SYPL1: variants seen among roughly 807,000 people sequenced by gnomAD.
SYPL1 encodes synaptophysin-like protein 1.
SYPL1 carries 6 observed loss-of-function variants against 23.7 expected under a neutral mutation model. That is an observed-to-expected ratio of 0.25 (90% CI 0.14 to 0.50). The LOEUF (loss-of-function observed/expected upper bound fraction) is 0.50. SYPL1 is among the 20% of genes least tolerant of loss of function. The probability of loss-of-function intolerance (pLI) is 0.98; values close to 1 mark genes in which losing one functional copy is unlikely to be tolerated. For missense variants in SYPL1, 253 were observed against 288.9 expected, an observed-to-expected ratio of 0.88 and a Z score of 0.90; for synonymous variants, 102 against 104.5, an observed-to-expected ratio of 0.98 and a Z score of 0.15.
Position 106,109,405 on chromosome 7 carries a change from C to T in SYPL1, c.69+2735G>A, listed in dbSNP as rs1365308373. 6.6e-6 allele frequency among the ~76,000 whole-genome samples: 1 copy of T among 152,190 alleles called. No individual in the cohort carries two copies. Among genetic ancestry groups the T allele is most frequent in the African/African-American group, 2.4e-5 (1 of 41,446 alleles). On this transcript the variant is annotated intron_variant, in intron 1 of 4. Coordinates refer to ENST00000455385, the MANE Select transcript of SYPL1 (RefSeq NM_182715.4). The surrounding 1 kb of genome is among the most constrained non-coding windows in gnomAD (Gnocchi z 4.3). ...ACTAGTCCTTATTTTATCAACTAGT[C>T]CTTATTTTACTTTACCATTCTATTG...
chr7:106,100,256 A>G lies in SYPL1; in HGVS notation c.70-974T>C, dbSNP rs1840245045. 6.6e-6 allele frequency among the ~76,000 whole-genome samples: 1 copy of G among 152,226 alleles called. No individual in the cohort carries two copies. Among genetic ancestry groups the G allele is most frequent in the Non-Finnish European group, 1.5e-5 (1 of 68,038 alleles). ...AAAAATGAATGGTGTTCTCTCAAAT[A>G]CCATCTAAAACACAAAAAACCTAGA... is the stretch of plus-strand genomic sequence containing the variant. On this transcript the variant is annotated intron_variant, in intron 1 of 4. Coordinates refer to ENST00000455385, the MANE Select transcript of SYPL1 (RefSeq NM_182715.4). This position sits in a 1 kb window ranked among gnomAD's most constrained non-coding sequence, Gnocchi z 5.1.
intron 2 of SYPL1, among the ~76,000 whole-genome samples, chr7:106,098,655 T>A (rs934759407): frequency 1.3e-5 from 2 of 152,216 alleles, no homozygotes; most frequent in Non-Finnish European, 2.9e-5. Context: ...ACTTCACAGA[T>A]GAAATACTCA....
intron 4 of SYPL1, chr7:106,092,448 A>G (rs553526321): frequency 9.0e-6 from 2 of 222,630 alleles, no homozygotes; most frequent in African/African-American, 2.4e-5. Context: ...TGAAGCAGGC[A>G]GATCACTTGA....
In SYPL1 at chr7:106,100,300, A is replaced by C. The variant is rs73197517; in HGVS notation, c.70-1018T>G. Among the ~76,000 whole-genome samples the C allele has an allele frequency of 1.9e-3, 297 of 152,388 alleles. 2 individuals carry two copies. The highest frequency in any genetic ancestry group is 3.3e-3 in the Non-Finnish European group (225 of 68,038). On this transcript the variant is annotated intron_variant, in intron 1 of 4. Coordinates refer to ENST00000455385, the MANE Select transcript of SYPL1 (RefSeq NM_182715.4). This position sits in a 1 kb window ranked among gnomAD's most constrained non-coding sequence, Gnocchi z 5.1. Reference sequence around the variant, plus strand: ...ACCTAGAAGCAACCTAAATGTTGACAGGGAATCAAACTATAATTCATCCAT... The same window carrying C: ...ACCTAGAAGCAACCTAAATGTTGACCGGGAATCAAACTATAATTCATCCAT...
In SYPL1 at chr7:106,091,949, A is replaced by G. The variant is rs1348848063; in HGVS notation, c.592-10T>C. 2 of 1,590,436 alleles carry G rather than the reference A, an allele frequency of 1.3e-6. No individual in the cohort carries two copies. The highest frequency in any genetic ancestry group is 1.7e-6 in the Non-Finnish European group (2 of 1,173,818). On this transcript the variant is annotated splice_polypyrimidine_tract_variant and intron_variant, in intron 4 of 4. Coordinates refer to ENST00000455385, the MANE Select transcript of SYPL1 (RefSeq NM_182715.4). This position sits in a 1 kb window ranked among gnomAD's most constrained non-coding sequence, Gnocchi z 5.0. ...TTAGAAAGCCAAATATCTATGAAAG[A>G]GAAAAAGAAATATGAAAATCAAATA...
chr7:106,108,654 T>C (rs1455845516), intron 1 of SYPL1, among the ~76,000 whole-genome samples: 2 of 152,214 alleles, frequency 1.3e-5, no homozygotes, highest in African/African-American at 4.8e-5. Context: ...TCTACACTTT[T>C]AAGTACTCAG....
At position 106,091,688 on chromosome 7, in the gene SYPL1, C is replaced by A. The variant is rs542216150; in HGVS notation, c.*117G>T. 19 of 1,162,636 alleles carry A rather than the reference C, an allele frequency of 1.6e-5. No individual in the cohort carries two copies. In the South Asian group the frequency reaches 2.2e-4, roughly 14 times the overall value. 72.0% of individuals were successfully genotyped at this position (1,162,636 alleles called of 1,614,324 possible). A position where few individuals can be genotyped will look rare whatever the true frequency, so the allele number is the denominator to read the frequency against. ...TGTAAAAAAGCAGCAAAGTTTTAAA[C>A]CCACCAATATATTGACAAAGCCATT... On this transcript the variant is annotated 3_prime_UTR_variant, in exon 5 of 5. Transcript: ENST00000455385. The surrounding 1 kb of genome is among the most constrained non-coding windows in gnomAD (Gnocchi z 5.0).
intron 1 of SYPL1, among the ~76,000 whole-genome samples, chr7:106,107,679 T>C (rs1840676244): frequency 6.7e-6 from 1 of 148,442 alleles, no homozygotes; most frequent in South Asian, 2.1e-4. Flanking sequence ...GAGATGGAGG[T>C]TGCAGTGAGC....
Position 106,091,663 on chromosome 7 carries a change from T to A in SYPL1, c.*142A>T, listed in dbSNP as rs906974053. ...CTTTCTAGGAAAGGCACAGGCTTTA[T>A]GTAAAAAAGCAGCAAAGTTTTAAAC... is the stretch of plus-strand genomic sequence containing the variant. On this transcript the variant is annotated 3_prime_UTR_variant, in exon 5 of 5. Coordinates refer to ENST00000455385, the MANE Select transcript of SYPL1 (RefSeq NM_182715.4). The surrounding 1 kb of genome is among the most constrained non-coding windows in gnomAD (Gnocchi z 5.0). 2 of 820,760 alleles carry A rather than the reference T, an allele frequency of 2.4e-6. No homozygotes were observed. The highest frequency in any genetic ancestry group is 3.5e-6 in the Non-Finnish European group (2 of 579,076). The allele number at this position is 820,760 out of a possible 1,614,324, so 50.8% of individuals were successfully genotyped here. A position where few individuals can be genotyped will look rare whatever the true frequency, so the allele number is the denominator to read the frequency against.
intron 1 of SYPL1, among the ~76,000 whole-genome samples, chr7:106,111,385 A>C (rs999408548): frequency 9.2e-5 from 14 of 152,206 alleles, no homozygotes; most frequent in African/African-American, 3.1e-4. Flanking sequence ...CAACTCCTCC[A>C]AGTAACTGAT....
In SYPL1 at chr7:106,112,213, T is replaced by C; in HGVS notation, c.-5A>G. The C allele has an allele frequency of 1.9e-6, 3 of 1,540,026 alleles. No individual in the cohort carries two copies. Among genetic ancestry groups the C allele is most frequent in the Non-Finnish European group, 8.8e-7 (1 of 1,135,468 alleles). Reference sequence around the variant, plus strand: ...GTTGATCTGGAAGCCGGACATCCTCTGAGGAAAGGAGGGAGAGAGAGTCAG... The same window carrying C: ...GTTGATCTGGAAGCCGGACATCCTCCGAGGAAAGGAGGGAGAGAGAGTCAG... On this transcript the variant is annotated 5_prime_UTR_variant, in exon 1 of 5. Coordinates refer to ENST00000455385, the MANE Select transcript of SYPL1 (RefSeq NM_182715.4).
In SYPL1 at chr7:106,091,477, CTG is replaced by C. The variant is rs1839726882; in HGVS notation, c.*326_*327del. The C allele has an allele frequency of 5.0e-6, 1 of 200,446 alleles. No individual in the cohort carries two copies. The highest frequency in any genetic ancestry group is 1.0e-5 in the Non-Finnish European group (1 of 98,290). 12.4% of individuals were successfully genotyped at this position (200,446 alleles called of 1,614,324 possible). A position where few individuals can be genotyped will look rare whatever the true frequency, so the allele number is the denominator to read the frequency against. ...TTCCTACTATGGTATGACAATATAA[CTG>C]TTTTCTGAATGAAGATACATGTTAA... On this transcript the variant is annotated 3_prime_UTR_variant, in exon 5 of 5. Transcript: ENST00000455385. The surrounding 1 kb of genome is among the most constrained non-coding windows in gnomAD (Gnocchi z 5.0).
chr7:106,112,535 G>A (rs776676628), upstream of SYPL1: 9 of 1,511,268 alleles, frequency 6.0e-6, no homozygotes, highest in South Asian at 7.6e-5. Context: ...GCCATACTGC[G>A]TGCGCCGCGC....
At chr7:106,101,551 G>A (rs1484225780) in intron 1 of SYPL1, among the ~76,000 whole-genome samples, 2 of 143,958 alleles carry the variant, frequency 1.4e-5, no homozygotes, top group African/African-American at 2.6e-5. Context: ...GGTCTTAACT[G>A]TTAAGAGGTG....
chr7:106,105,524 C>T (rs1840547073), intron 1 of SYPL1, among the ~76,000 whole-genome samples: 1 of 148,434 alleles, frequency 6.7e-6, no homozygotes, highest in South Asian at 2.2e-4. Flanking sequence ...TACTAGATGA[C>T]CACCATGGCA....
chr7:106,091,858 T>C lies in SYPL1; in HGVS notation c.673A>G (p.Asn225Asp). 1.2e-6 allele frequency: 2 copies of C among 1,613,786 alleles called. No individual in the cohort carries two copies. The highest frequency in any genetic ancestry group is 2.2e-5 in the South Asian group (2 of 91,062). The stretch of plus-strand genomic sequence containing the variant: ...CCTTGGCTATGAGGGGCAGATGTAT[T>C]TGATGGACTGTGTAGGCTGGTCTCC... ...YKETSLHSPSNTSAPHSQGGI... is the reference protein window; with the variant it reads ...YKETSLHSPSDTSAPHSQGGI... The change falls in exon 5 of 5, where the codon AAT becomes GAT. Residue 225 changes from asparagine to aspartate, a missense_variant. Physicochemically the swap from Asn to Asp is conservative, Grantham distance 23. Coordinates refer to ENST00000455385, the MANE Select transcript of SYPL1 (RefSeq NM_182715.4). This position sits in a 1 kb window ranked among gnomAD's most constrained non-coding sequence, Gnocchi z 5.0.
At chr7:106,094,402 T>C (rs1839909702) in intron 3 of SYPL1, among the ~76,000 whole-genome samples, 1 of 152,244 alleles carries the variant, frequency 6.6e-6, no homozygotes, top group East Asian at 1.9e-4. Context: ...CAACACTGAA[T>C]GAATACTTAG....
intron 3 of SYPL1, among the ~76,000 whole-genome samples, chr7:106,094,559 G>A (rs1839918811): frequency 1.3e-5 from 2 of 152,176 alleles, no homozygotes; most frequent in Admixed American, 6.5e-5. Context: ...TCTGCACTGT[G>A]GAAGTACTCC....
chr7:106,107,711 C>T (rs1426033229), intron 1 of SYPL1, among the ~76,000 whole-genome samples: 1 of 140,518 alleles, frequency 7.1e-6, no homozygotes, highest in East Asian at 2.0e-4. Flanking sequence ...CACTGCACTC[C>T]AGCCTGGGTG....
Sources: gnomAD v4.1 joint callset for allele counts (sites outside exome capture counted in the v4.1 genomes callset) on GRCh38, gnomAD v4.1.1 for gene constraint, Gnocchi (gnomAD v3.1) non-coding constraint, MANE v1.5 for transcripts, NCBI Gene and HGNC (gene_info 2026-07-23, HGNC 2026-07-21) for gene names.